CEP57L1: variants seen among roughly 807,000 people sequenced by gnomAD.
CEP57L1 encodes centrosomal protein 57 like 1.
In CEP57L1, 37 loss-of-function variants were observed where a neutral mutation model predicts 61.0. That is an observed-to-expected ratio of 0.61 (90% confidence interval 0.47 to 0.80). The LOEUF (loss-of-function observed/expected upper bound fraction) is 0.80. Among genes scored for constraint, CEP57L1 ranks in the 30% least tolerant of loss-of-function variants. The pLI is 0.00. For missense variants in CEP57L1, 422 were observed against 524.7 expected (o/e 0.80, Z 1.91); for synonymous variants, 137 against 162.3 (o/e 0.84, Z 1.19).
chr6:109,119,823 T>C (rs1353693698), intron 1 of CEP57L1, among the ~76,000 whole-genome samples: 4 of 152,224 alleles, frequency 2.6e-5, no homozygotes, highest in Admixed American at 6.5e-5. Context: ...AAAAGTGATA[T>C]ACTGTTTATA....
rs557478138 is a variant in CEP57L1, at chr6:109,165,528, C to G, written c.*2558C>G. Among the ~76,000 whole-genome samples, 4 of 151,966 alleles carry G rather than the reference C, an allele frequency of 2.6e-5. No individual in the cohort carries two copies. The highest frequency in any genetic ancestry group is 2.6e-4 in the Admixed American group (4 of 15,248). ...TATTCTCACTTATTTTGGTTTTTAT[C>G]TCTTTCTGTGTGCCTGAAGGGAAAT... On this transcript the variant is annotated 3_prime_UTR_variant, in exon 11 of 11. Transcript: ENST00000517392.
intron 1 of CEP57L1, among the ~76,000 whole-genome samples, chr6:109,098,223 C>T (rs1415100620): frequency 6.6e-6 from 1 of 152,120 alleles, no homozygotes; most frequent in African/African-American, 2.4e-5. Context: ...TCTTGGCTCA[C>T]TGCAACCTCC....
intron 1 of CEP57L1, among the ~76,000 whole-genome samples, chr6:109,111,810 A>G (rs944582521): frequency 3.3e-5 from 5 of 152,176 alleles, no homozygotes; most frequent in Admixed American, 2.0e-4. Context: ...GGTTCTGTTT[A>G]TGCGATGGAT....
At chr6:109,139,487 T>C (rs910583420) in intron 1 of CEP57L1, among the ~76,000 whole-genome samples, 3 of 151,886 alleles carry the variant, frequency 2.0e-5, no homozygotes, top group Non-Finnish European at 4.4e-5. Context: ...TTTTTTCTTT[T>C]TTTTTTTGAG....
Position 109,166,446 on chromosome 6 carries a change from C to T in CEP57L1, c.*3476C>T, listed in dbSNP as rs1464074430. On this transcript the variant is annotated 3_prime_UTR_variant, in exon 11 of 11. Coordinates refer to ENST00000517392, the MANE Select transcript of CEP57L1 (RefSeq NM_001271852.3). Reference sequence around the variant, plus strand: ...TCACCCAGGCTAGAGTGCAGTGGCACGATCTCAGCTCACTGCAACCTCCAC... The same window carrying T: ...TCACCCAGGCTAGAGTGCAGTGGCATGATCTCAGCTCACTGCAACCTCCAC... Among the ~76,000 whole-genome samples, 3 of 150,118 alleles carry T rather than the reference C, an allele frequency of 2.0e-5. No homozygotes were observed. Among genetic ancestry groups the T allele is most frequent in the Non-Finnish European group, 4.4e-5 (3 of 67,760 alleles).
chr6:109,168,590 A>ATTTTTTT lies in CEP57L1; in HGVS notation c.*5636_*5642dup, dbSNP rs72093696. Among the ~76,000 whole-genome samples, 3 of 112,036 alleles carry ATTTTTTT rather than the reference A, an allele frequency of 2.7e-5. No individual in the cohort carries two copies. Among genetic ancestry groups the ATTTTTTT allele is most frequent in the Non-Finnish European group, 5.4e-5 (3 of 55,114 alleles). 73.5% of individuals were successfully genotyped at this position (112,036 alleles called of 152,430 possible). A position where few individuals can be genotyped will look rare whatever the true frequency, so the allele number is the denominator to read the frequency against. ...ATCAATTTAGCGGGTCACTACCAGC[A>ATTTTTTT]TTTTTTTTTTTTTTTTTTTTTTGAG... is the stretch of plus-strand genomic sequence containing the variant. On this transcript the variant is annotated 3_prime_UTR_variant, in exon 11 of 11. Transcript: ENST00000517392.
chr6:109,125,641 G>A (rs1773474117), intron 1 of CEP57L1, among the ~76,000 whole-genome samples: 1 of 151,504 alleles, frequency 6.6e-6, no homozygotes, highest in Non-Finnish European at 1.5e-5. Context: ...GGCTGAGGTG[G>A]GAGGATTGCA....
intron 1 of CEP57L1, among the ~76,000 whole-genome samples, chr6:109,099,992 T>C (rs557106208): frequency 9.2e-5 from 14 of 152,350 alleles, no homozygotes; most frequent in Non-Finnish European, 1.6e-4. Context: ...TTCTCAGAGG[T>C]GTCCCTGATC....
chr6:109,115,265 AAG>A (rs943283141), intron 1 of CEP57L1, among the ~76,000 whole-genome samples: 11 of 151,846 alleles, frequency 7.2e-5, no homozygotes, highest in African/African-American at 2.4e-4. Flanking sequence ...AAGGAGAGAA[AAG>A]AGAGAAATGA....
intron 4 of CEP57L1, among the ~76,000 whole-genome samples, chr6:109,152,636 CG>C (rs1772749998): frequency 6.9e-6 from 1 of 145,100 alleles, no homozygotes; most frequent in Non-Finnish European, 1.5e-5. Context: ...GATGTGCGTG[CG>C]TGTGTGTGTG....
At chr6:109,161,416 C>A (rs1171005449) in intron 10 of CEP57L1, among the ~76,000 whole-genome samples, 1 of 152,098 alleles carries the variant, frequency 6.6e-6, no homozygotes, top group East Asian at 1.9e-4. Context: ...TTCCCAGGAA[C>A]CCTCAAGTCA....
At chr6:109,100,730 G>A (rs922343613) in intron 1 of CEP57L1, among the ~76,000 whole-genome samples, 6 of 151,050 alleles carry the variant, frequency 4.0e-5, no homozygotes, top group African/African-American at 1.2e-4. Flanking sequence ...TGTAGCCTAG[G>A]AAATGTAATT....
chr6:109,132,065 A>T lies in CEP57L1; in HGVS notation c.-3-13154A>T, dbSNP rs1056345451. Among the ~76,000 whole-genome samples, 3 of 152,340 alleles carry T rather than the reference A, an allele frequency of 2.0e-5. No individual in the cohort carries two copies. The Middle Eastern group carries it at 0.01, about 522-fold the overall frequency. On this transcript the variant is annotated intron_variant, in intron 1 of 10. Transcript: ENST00000517392. ...AAAGAATCTTTCCTGAGAAATCCTC[A>T]TCACAATCCGATGCTCATGTGGGTT... is the stretch of plus-strand genomic sequence containing the variant.
At chr6:109,148,350 T>C (rs899164741) in intron 3 of CEP57L1, among the ~76,000 whole-genome samples, 3 of 151,634 alleles carry the variant, frequency 2.0e-5, no homozygotes, top group African/African-American at 7.3e-5. Flanking sequence ...TTCCCACCTA[T>C]GAGTGAGAAC....
chr6:109,101,721 G>A (rs918226682), intron 1 of CEP57L1, among the ~76,000 whole-genome samples: 15 of 151,034 alleles, frequency 9.9e-5, no homozygotes, highest in African/African-American at 3.7e-4. Context: ...CCGGGTTCAC[G>A]CCATTCTCCT....
chr6:109,104,707 C>G (rs975239652), intron 1 of CEP57L1, among the ~76,000 whole-genome samples: 2 of 152,116 alleles, frequency 1.3e-5, no homozygotes, highest in Non-Finnish European at 2.9e-5. Context: ...CTCTGCCCTA[C>G]AAGTAGCTGG....
At chr6:109,130,312 A>T (rs764671499) in intron 1 of CEP57L1, among the ~76,000 whole-genome samples, 4 of 152,214 alleles carry the variant, frequency 2.6e-5, no homozygotes, top group Admixed American at 6.5e-5. Context: ...ACAAACTTAC[A>T]TAAGACAAAC....
chr6:109,113,285 C>G (rs1257728817), intron 1 of CEP57L1, among the ~76,000 whole-genome samples: 1 of 152,132 alleles, frequency 6.6e-6, no homozygotes, highest in South Asian at 2.1e-4. Flanking sequence ...TCCCCTCTTC[C>G]CCTAACTTTT....
intron 1 of CEP57L1, among the ~76,000 whole-genome samples, chr6:109,121,914 G>A (rs564393423): frequency 5.9e-5 from 9 of 152,196 alleles, no homozygotes; most frequent in Admixed American, 4.6e-4. Context: ...TTGAGAACCC[G>A]AAAATAACCC....
Sources: allele counts gnomAD v4.1 joint callset (sites outside exome capture counted in the v4.1 genomes callset), GRCh38; gene constraint gnomAD v4.1.1; transcripts MANE v1.5; gene names NCBI Gene and HGNC (gene_info 2026-07-23, HGNC 2026-07-21).